The following ABCB5 variants were observed in gnomAD, a reference collection of about 807,000 sequenced individuals.
ABCB5 encodes ATP binding cassette subfamily B member 5, also known as ATP-binding cassette sub-family B member 5.
In ABCB5, 155 loss-of-function variants were observed where a neutral mutation model predicts 144.2. The observed-to-expected ratio is 1.08, with a 90% CI of 0.94 to 1.23. The LOEUF is 1.23. Among genes scored for constraint, ABCB5 ranks in the 50% most tolerant of loss-of-function variants. The pLI, the probability that ABCB5 is intolerant of heterozygous loss-of-function variation, is 0.00. For missense variants in ABCB5, 1,830 were observed against 1,520.8 expected (o/e 1.20, Z -3.38); for synonymous variants, 610 against 528.6 (o/e 1.15, Z -2.11).
Position 20,717,951 on chromosome 7 carries a change from G to A in ABCB5, c.2422-5065G>A, listed in dbSNP as rs192393928. 4.4e-3 allele frequency among the ~76,000 whole-genome samples: 524 copies of A among 120,072 alleles called. 2 individuals are homozygous for A. Among genetic ancestry groups the A allele is most frequent in the African/African-American group, 0.016 (494 of 31,014 alleles). 78.8% of individuals were successfully genotyped at this position (120,072 alleles called of 152,430 possible). On this transcript the variant is annotated intron_variant, in intron 20 of 27. Coordinates refer to ENST00000404938, the MANE Select transcript of ABCB5 (RefSeq NM_001163941.2). Reference sequence around the variant, plus strand: ...GAGCCTCGCTCTGTCGCCCAGGCTGGAGTGCAGTGGCGCAATCTCGGCTCA... The same window carrying A: ...GAGCCTCGCTCTGTCGCCCAGGCTGAAGTGCAGTGGCGCAATCTCGGCTCA...
chr7:20,666,787 T>A (rs770125418), intron 14 of ABCB5: 2 of 1,597,472 alleles, frequency 1.3e-6, no homozygotes, highest in South Asian at 1.1e-5. Context: ...GACGTATTGA[T>A]AATCTACCAC....
intron 26 of ABCB5, among the ~76,000 whole-genome samples, chr7:20,751,341 G>A (rs745360310): frequency 2.6e-5 from 4 of 152,086 alleles, no homozygotes; most frequent in African/African-American, 7.2e-5. Flanking sequence ...GCGTGGTGGC[G>A]GGCGCCTGTA....
At chr7:20,675,355 C>T (rs1382227382) in intron 14 of ABCB5, among the ~76,000 whole-genome samples, 1 of 149,978 alleles carries the variant, frequency 6.7e-6, no homozygotes, top group Non-Finnish European at 1.5e-5. Context: ...ATATAATCAA[C>T]TGACCTTTGA....
intron 14 of ABCB5, chr7:20,660,488 C>A: frequency 1.2e-6 from 1 of 841,252 alleles, no homozygotes; most frequent in Non-Finnish European, 1.4e-6. Context: ...TAATCATATA[C>A]TCTTCAGTTT....
chr7:20,647,465 A>G, intron 9 of ABCB5, 70 bp from the exon 10 acceptor site: 3 of 1,477,464 alleles, frequency 2.0e-6, no homozygotes, highest in Non-Finnish European at 2.7e-6. Flanking sequence ...ACCAATAATT[A>G]TATATTACAT....
intron 1 of ABCB5, among the ~76,000 whole-genome samples, chr7:20,621,807 T>C (rs1432800164): frequency 1.3e-5 from 2 of 152,176 alleles, no homozygotes; most frequent in Admixed American, 6.5e-5. Context: ...TAAATATTTC[T>C]TGTGCAAATG....
intron 5 of ABCB5, among the ~76,000 whole-genome samples, chr7:20,640,065 A>G (rs1583385258): frequency 6.6e-6 from 1 of 152,032 alleles, no homozygotes; most frequent in South Asian, 2.1e-4. Context: ...TTCATCTTAC[A>G]TTTATTTTAT....
chr7:20,701,187 T>A (rs1277135118), intron 19 of ABCB5, among the ~76,000 whole-genome samples: 1 of 152,218 alleles, frequency 6.6e-6, no homozygotes, highest in Non-Finnish European at 1.5e-5. Context: ...CATAAATCAA[T>A]TTGATGCCAG....
Position 20,644,182 on chromosome 7 carries a change from C to T in ABCB5, c.678+550C>T, listed in dbSNP as rs1035024203. ...TTCACTGCAGCCTCAACTTCCCAGG[C>T]TCAAGTCATCCTCCCATCTCAGATC... is the stretch of plus-strand genomic sequence containing the variant. On this transcript the variant is annotated intron_variant, in intron 7 of 27. Coordinates refer to ENST00000404938, the MANE Select transcript of ABCB5 (RefSeq NM_001163941.2). Among the ~76,000 whole-genome samples the T allele has an allele frequency of 2.6e-5, 4 of 151,902 alleles. No individual in the cohort carries two copies. The East Asian group carries it at 7.7e-4, about 29-fold the overall frequency.
intron 17 of ABCB5, 100 bp from the exon 18 acceptor site, chr7:20,699,725 A>T: frequency 2.7e-6 from 2 of 739,280 alleles, no homozygotes; most frequent in Non-Finnish European, 4.3e-6. Flanking sequence ...AAAAAAAAAA[A>T]GAAATGTATT....
chr7:20,681,048 CT>C (rs1785793256), intron 14 of ABCB5, among the ~76,000 whole-genome samples: 1 of 49,944 alleles, frequency 2.0e-5, no homozygotes, highest in Admixed American at 2.8e-4. Context: ...TTCTTTCTTT[CT>C]CTCTCTCTCT....
At position 20,635,626 on chromosome 7, in the gene ABCB5, C is replaced by T. The variant is rs142513411; in HGVS notation, c.314+3513C>T. ...TTTTCCTTGTAAAGATCTTTTAATT[C>T]CTTAGTTAAATATATTCTTAGATAT... On this transcript the variant is annotated intron_variant, in intron 5 of 27. Transcript: ENST00000404938. Among the ~76,000 whole-genome samples the T allele has an allele frequency of 3.2e-4, 48 of 151,916 alleles. 1 individual carries two copies. Among genetic ancestry groups the T allele is most frequent in the African/African-American group, 1.2e-3 (48 of 41,462 alleles).
intron 19 of ABCB5, among the ~76,000 whole-genome samples, chr7:20,701,940 C>G (rs1313579150): frequency 6.6e-6 from 1 of 152,142 alleles, no homozygotes; most frequent in Non-Finnish European, 1.5e-5. Flanking sequence ...GTAAGGGAAG[C>G]CCCTAGTGTG....
chr7:20,746,597 T>C (rs1193908589), intron 26 of ABCB5, among the ~76,000 whole-genome samples: 1 of 152,244 alleles, frequency 6.6e-6, no homozygotes, highest in African/African-American at 2.4e-5. Flanking sequence ...AGATCCTTTT[T>C]TATCACCTTG....
chr7:20,647,854 T>C lies in ABCB5; in HGVS notation c.1096-114T>C. The C allele has an allele frequency of 4.6e-6, 5 of 1,097,920 alleles. No homozygotes were observed. In the South Asian group the frequency reaches 5.8e-5, roughly 13 times the overall value. 68.0% of individuals were successfully genotyped at this position (1,097,920 alleles called of 1,614,324 possible). A position where few individuals can be genotyped will look rare whatever the true frequency, so the allele number is the denominator to read the frequency against. ...CTTCATGTCTAACTCAATGCACTTC[T>C]AAAGCAGAAAGGAAACTGTCATGGA... On this transcript the variant is annotated intron_variant, in intron 10 of 27. Transcript: ENST00000404938.
chr7:20,694,374 A>G (rs879898810), intron 16 of ABCB5, among the ~76,000 whole-genome samples: 47 of 152,078 alleles, frequency 3.1e-4, no homozygotes, highest in Non-Finnish European at 6.2e-4. Flanking sequence ...GAAAAAACCA[A>G]TTATCTCAAT....
intron 26 of ABCB5, among the ~76,000 whole-genome samples, chr7:20,751,390 G>A (rs1268829839): frequency 6.6e-6 from 1 of 152,158 alleles, no homozygotes; most frequent in East Asian, 1.9e-4. Context: ...AGAATGGCGT[G>A]AACCCGGGAA....
At chr7:20,699,766 T>G (rs1027188763) in intron 17 of ABCB5, 59 bp from the exon 18 acceptor site, 2 of 1,215,738 alleles carry the variant, frequency 1.6e-6, no homozygotes, top group Non-Finnish European at 2.3e-6. Context: ...AAATTTTCAC[T>G]TTTTCTGTTT....
At chr7:20,733,641 C>CTTT (rs869097054) in intron 23 of ABCB5, among the ~76,000 whole-genome samples, 14 of 127,680 alleles carry the variant, frequency 1.1e-4, no homozygotes, top group East Asian at 7.4e-4. Flanking sequence ...CTTTTCTTTT[C>CTTT]TTTTTTTTTT....
Sources: gnomAD v4.1 joint callset for allele counts (sites outside exome capture counted in the v4.1 genomes callset) on GRCh38, gnomAD v4.1.1 for gene constraint, MANE v1.5 for transcripts, NCBI Gene and HGNC (gene_info 2026-07-23, HGNC 2026-07-21) for gene names.